Variants in DLGAP1 observed in about 807,000 individuals in gnomAD.
DLGAP1 encodes the protein DLG associated protein 1, also known as disks large-associated protein 1.
Under a neutral mutation model 90.8 loss-of-function variants are expected in DLGAP1, and 11 were observed. That is an observed-to-expected ratio of 0.12 (90% CI 0.08 to 0.20). DLGAP1 has a LOEUF of 0.20. DLGAP1 is among the 10% of genes least tolerant of loss of function. DLGAP1 has a pLI of 1.00. For missense variants in DLGAP1, 1,050 were observed against 1,333.8 expected, an observed-to-expected ratio of 0.79 and a Z score of 3.31; for synonymous variants, 558 against 540.7, an observed-to-expected ratio of 1.03 and a Z score of -0.44.
chr18:4,221,290 TA>T (rs1163723487), intron 1 of DLGAP1, among the ~76,000 whole-genome samples: 4 of 152,108 alleles, frequency 2.6e-5, no homozygotes, highest in South Asian at 2.1e-4. Flanking sequence ...TTATCTCCAT[TA>T]AAAAAATTCT....
chr18:3,856,473 T>A (rs1387314118), intron 4 of DLGAP1, among the ~76,000 whole-genome samples: 1 of 152,100 alleles, frequency 6.6e-6, no homozygotes, highest in African/African-American at 2.4e-5. Context: ...TCTGGTGAAG[T>A]GAGGTCAACA....
At chr18:3,999,765 CATT>C (rs2149070646) in intron 3 of DLGAP1, among the ~76,000 whole-genome samples, 1 of 152,234 alleles carries the variant, frequency 6.6e-6, no homozygotes, top group East Asian at 1.9e-4. Flanking sequence ...CACTTGCCTA[CATT>C]ATTTGCTTGT....
intron 7 of DLGAP1, among the ~76,000 whole-genome samples, chr18:3,640,274 C>T (rs1360452063): frequency 6.6e-6 from 1 of 152,218 alleles, no homozygotes; most frequent in Non-Finnish European, 1.5e-5. Context: ...GTTCTCTTCT[C>T]ACTCCAGACT....
At chr18:4,321,727 A>G (rs1206705932) in intron 1 of DLGAP1, among the ~76,000 whole-genome samples, 1 of 152,242 alleles carries the variant, frequency 6.6e-6, no homozygotes, top group African/African-American at 2.4e-5. Context: ...AACTTACTAT[A>G]TTTTATCAGT....
In DLGAP1 at chr18:3,582,188, G is replaced by A. The variant is rs367600165; in HGVS notation, c.1652C>T (p.Thr551Met). ...GGCTGTGATAGAAATGAAAGGTTTC[G>A]TGGTAGTTCTGGGTGGGACTGGAGG... ...TPPPVPPRTT[T>M]KPFISITAQS... Residue 551 changes from threonine (T) to methionine (M), a missense_variant, in exon 8 of 13, where the codon ACG becomes ATG. Physicochemically the swap from Thr to Met is moderately conservative, Grantham distance 81. Around this residue, in one of 2 missense-constraint regions of DLGAP1, gnomAD observed 565 missense variants for 879.7 expected, o/e 0.64. Transcript: ENST00000315677. The A allele has an allele frequency of 9.9e-6, 16 of 1,614,132 alleles. No homozygotes were observed. The Middle Eastern group carries it at 6.6e-4, about 67-fold the overall frequency.
chr18:3,991,618 G>A (rs2073970189), intron 3 of DLGAP1, among the ~76,000 whole-genome samples: 1 of 152,190 alleles, frequency 6.6e-6, no homozygotes, highest in South Asian at 2.1e-4. Flanking sequence ...TTTCTGGTTG[G>A]TATTGCCCTT....
intron 2 of DLGAP1, among the ~76,000 whole-genome samples, chr18:4,101,056 T>C (rs1390977643): frequency 6.6e-6 from 1 of 152,218 alleles, no homozygotes; most frequent in Non-Finnish European, 1.5e-5. Flanking sequence ...ACTTTTAATT[T>C]CCTTCAAGAA....
intron 1 of DLGAP1, among the ~76,000 whole-genome samples, chr18:4,415,784 G>A (rs2082886388): frequency 6.6e-6 from 1 of 152,088 alleles, no homozygotes; most frequent in African/African-American, 2.4e-5. Flanking sequence ...GCCTCAGAAA[G>A]TCATTGTGAA....
chr18:4,235,378 G>A (rs899826061), intron 1 of DLGAP1, among the ~76,000 whole-genome samples: 2 of 152,142 alleles, frequency 1.3e-5, no homozygotes, highest in African/African-American at 4.8e-5. Flanking sequence ...GGGTAACTGG[G>A]GGCCAGAGGA....
intron 2 of DLGAP1, among the ~76,000 whole-genome samples, chr18:4,082,260 T>C (rs2075619088): frequency 6.7e-6 from 1 of 149,068 alleles, no homozygotes; most frequent in African/African-American, 2.5e-5. Context: ...GAGAATTCCT[T>C]GAACCTGGGA....
intron 1 of DLGAP1, among the ~76,000 whole-genome samples, chr18:4,238,567 G>A (rs532652202): frequency 2.0e-4 from 30 of 152,068 alleles, no homozygotes; most frequent in Non-Finnish European, 3.7e-4. Flanking sequence ...TTTCACTCTC[G>A]ATTTTTGGTA....
chr18:4,091,939 G>T (rs1429214553), intron 2 of DLGAP1, among the ~76,000 whole-genome samples: 5 of 151,182 alleles, frequency 3.3e-5, no homozygotes, highest in Non-Finnish European at 7.4e-5. Context: ...ATTTTTTAAT[G>T]AATCACAAAT....
chr18:3,810,730 T>G (rs2148405407), intron 5 of DLGAP1, among the ~76,000 whole-genome samples: 1 of 152,238 alleles, frequency 6.6e-6, no homozygotes, highest in South Asian at 2.1e-4. Context: ...ATGAGTCATG[T>G]CATGTCTGAA....
At chr18:4,124,358 T>G (rs1371345588) in intron 2 of DLGAP1, among the ~76,000 whole-genome samples, 2 of 152,236 alleles carry the variant, frequency 1.3e-5, no homozygotes, top group Non-Finnish European at 2.9e-5. Flanking sequence ...AATGTTCGAA[T>G]AATCCTCATG....
At chr18:3,845,910 A>G (rs1352139817) in intron 4 of DLGAP1, among the ~76,000 whole-genome samples, 1 of 152,198 alleles carries the variant, frequency 6.6e-6, no homozygotes, top group Non-Finnish European at 1.5e-5. Context: ...AAATTAAGTA[A>G]TACTTCTCAA....
intron 1 of DLGAP1, among the ~76,000 whole-genome samples, chr18:4,401,451 T>G (rs1317148108): frequency 6.6e-6 from 1 of 151,688 alleles, no homozygotes; most frequent in Non-Finnish European, 1.5e-5. Context: ...TGAGAAAGTA[T>G]TTTTTTTCCT....
At chr18:4,251,298 A>G (rs1341757057) in intron 1 of DLGAP1, among the ~76,000 whole-genome samples, 1 of 152,198 alleles carries the variant, frequency 6.6e-6, no homozygotes, top group Non-Finnish European at 1.5e-5. Flanking sequence ...TATAACTTTT[A>G]AAGCTGGAAG....
intron 1 of DLGAP1, among the ~76,000 whole-genome samples, chr18:4,357,317 C>T (rs182585712): frequency 6.6e-6 from 1 of 151,944 alleles, no homozygotes; most frequent in East Asian, 1.9e-4. Flanking sequence ...CCACGCCTGG[C>T]TAATTTTTGT....
chr18:3,509,812 T>A (rs2143838080), intron 10 of DLGAP1, among the ~76,000 whole-genome samples: 1 of 152,318 alleles, frequency 6.6e-6, no homozygotes, highest in South Asian at 2.1e-4. Flanking sequence ...CTCCTTTATT[T>A]GTTTTAAACT....
Sources: allele counts gnomAD v4.1 joint callset (sites outside exome capture counted in the v4.1 genomes callset), GRCh38; gene constraint gnomAD v4.1.1; regional missense constraint gnomAD v4.1.1; transcripts MANE v1.5; gene names NCBI Gene and HGNC (gene_info 2026-07-23, HGNC 2026-07-21).